Variants in PVT1 observed in about 807,000 individuals in gnomAD.
The protein encoded by PVT1 is Pvt1 oncogene.
chr8:128,042,136 C>G (rs932783169), intron 4 of PVT1, among the ~76,000 whole-genome samples: 1 of 152,042 alleles, frequency 6.6e-6, no homozygotes, highest in African/African-American at 2.4e-5. Flanking sequence ...TTTTGCAGCC[C>G]CAAGGGACAG....
intron 3 of PVT1, among the ~76,000 whole-genome samples, chr8:127,988,447 C>T (rs1256179033): frequency 1.3e-5 from 2 of 152,206 alleles, no homozygotes; most frequent in African/African-American, 4.8e-5. Context: ...CCTGGATCCC[C>T]AGGCTAAGTA....
At chr8:127,833,081 C>T (rs1470390104) in intron 2 of PVT1, among the ~76,000 whole-genome samples, 4 of 152,180 alleles carry the variant, frequency 2.6e-5, no homozygotes, top group Non-Finnish European at 4.4e-5. Flanking sequence ...ATTATGGCTC[C>T]TTTCTTGTTG....
At chr8:127,984,838 T>G (rs1816926440) in intron 3 of PVT1, among the ~76,000 whole-genome samples, 1 of 10,752 alleles carries the variant, frequency 9.3e-5, no homozygotes, top group Admixed American at 9.8e-4. Context: ...TTTCTTTTCT[T>G]TTCTTTCTTT....
chr8:127,958,876 A>G (rs746750846), intron 3 of PVT1, among the ~76,000 whole-genome samples: 6 of 152,196 alleles, frequency 3.9e-5, no homozygotes, highest in African/African-American at 4.8e-5. Flanking sequence ...AGCACATGTC[A>G]TATTTGAACT....
rs549476377 is a variant in PVT1 at position 127,870,358 on chromosome 8, C to G, written n.373-20231C>G. Among the ~76,000 whole-genome samples the G allele has an allele frequency of 1.7e-3, 252 of 152,254 alleles. 1 individual carries two copies. Among genetic ancestry groups the G allele is most frequent in the African/African-American group, 5.8e-3 (243 of 41,546 alleles). On this transcript the variant is annotated intron_variant and non_coding_transcript_variant, in intron 2 of 10. Transcript: ENST00000651587. ...AGGCAAGGAAGGATCTTTCATGGAG[C>G]CTTCAGAGGGAGCACAGTCCCGCTG... is the stretch of plus-strand genomic sequence containing the variant.
intron 3 of PVT1, among the ~76,000 whole-genome samples, chr8:127,967,180 A>C (rs565666362): frequency 6.6e-6 from 1 of 152,236 alleles, no homozygotes; most frequent in South Asian, 2.1e-4. Context: ...ATGCATACCC[A>C]CCCGCTGATG....
intron 4 of PVT1, among the ~76,000 whole-genome samples, chr8:128,000,064 C>A (rs1391797847): frequency 1.3e-5 from 2 of 152,174 alleles, no homozygotes; most frequent in South Asian, 2.1e-4. Flanking sequence ...TCTGGACTGT[C>A]CTGTTCTGCT....
chr8:127,998,329 T>G (rs1453577663), intron 4 of PVT1: 1 of 152,200 alleles, frequency 6.6e-6, no homozygotes, highest in Non-Finnish European at 1.5e-5. Flanking sequence ...CTCTCCTATT[T>G]ATTTATTTAT....
chr8:127,835,020 T>C (rs1385332478), intron 2 of PVT1, among the ~76,000 whole-genome samples: 1 of 152,166 alleles, frequency 6.6e-6, no homozygotes, highest in Non-Finnish European at 1.5e-5. Flanking sequence ...AGTTCAACCA[T>C]TGTGGAAGAC....
chr8:128,013,174 AC>A (rs113764241), intron 4 of PVT1, among the ~76,000 whole-genome samples: 1 of 151,726 alleles, frequency 6.6e-6, no homozygotes, highest in Non-Finnish European at 1.5e-5. Flanking sequence ...CAGAAAGGCC[AC>A]CCCCCCTTCC....
At chr8:127,937,576 C>CAGAGAGAGAGAGAGAG (rs774441674) in intron 3 of PVT1, among the ~76,000 whole-genome samples, 121 of 122,508 alleles carry the variant, frequency 9.9e-4, no homozygotes, top group South Asian at 3.6e-3. Context: ...CACACACACA[C>CAGAGAGAGAGAGAGAG]ACACAGAGAG....
chr8:127,945,205 T>C (rs1816405814), intron 3 of PVT1, among the ~76,000 whole-genome samples: 1 of 152,156 alleles, frequency 6.6e-6, no homozygotes, highest in Admixed American at 6.5e-5. Flanking sequence ...CTTTCTTTCT[T>C]TTTTATTCTC....
intron 4 of PVT1, among the ~76,000 whole-genome samples, chr8:128,038,304 T>C (rs181111608): frequency 3.2e-4 from 49 of 152,360 alleles, no homozygotes; most frequent in African/African-American, 1.1e-3. Flanking sequence ...CCATCCTGTC[T>C]TGTCCCCTTT....
chr8:127,882,073 C>T (rs1815474163), intron 2 of PVT1, among the ~76,000 whole-genome samples: 1 of 152,178 alleles, frequency 6.6e-6, no homozygotes, highest in South Asian at 2.1e-4. Context: ...TGAGGAAACA[C>T]TTTCAATGAG....
chr8:127,798,099 T>C (rs1178645214), intron 2 of PVT1, among the ~76,000 whole-genome samples: 1 of 151,938 alleles, frequency 6.6e-6, no homozygotes, highest in Non-Finnish European at 1.5e-5. Flanking sequence ...GGTCAGGAGT[T>C]CGAGACCAGC....
rs1813850715 is a variant in PVT1, at chr8:128,063,025, C to T, written n.913-7135C>T. 4.6e-5 allele frequency among the ~76,000 whole-genome samples: 7 copies of T among 152,252 alleles called. No individual in the cohort carries two copies. The South Asian group carries it at 1.5e-3, about 32-fold the overall frequency. On this transcript the variant is annotated intron_variant and non_coding_transcript_variant, in intron 4 of 10. Transcript: ENST00000651587. ...CTGGAAGAAAGGGACAGATAATGCT[C>T]TCCCCAGTGGATTGATGTGAGACAT...
chr8:127,888,909 G>A (rs12541073), intron 2 of PVT1, among the ~76,000 whole-genome samples: 30,800 of 152,106 alleles, frequency 0.2, 3,384 homozygotes, highest in Non-Finnish European at 0.26. Context: ...AAACCACTAC[G>A]TTTGTAAACA....
At chr8:127,887,931 GTTTTTTTTTTTTT>G (rs560976785) in intron 2 of PVT1, among the ~76,000 whole-genome samples, 8 of 66,582 alleles carry the variant, frequency 1.2e-4, no homozygotes, top group African/African-American at 1.3e-4. Context: ...ACTCTATCTT[GTTTTTTTTTTTTT>G]TTTTTTTTTT....
chr8:127,937,580 C>CACACACACACAGAG (rs59006608), intron 3 of PVT1, among the ~76,000 whole-genome samples: 87 of 107,856 alleles, frequency 8.1e-4, no homozygotes, highest in Middle Eastern at 5.3e-3. Flanking sequence ...CACACACACA[C>CACACACACACAGAG]AGAGAGAGAG....
Sources: gnomAD v4.1 joint callset for allele counts (sites outside exome capture counted in the v4.1 genomes callset) on GRCh38, gnomAD v4.1.1 for gene constraint, MANE v1.5 for transcripts, NCBI Gene and HGNC (gene_info 2026-07-23, HGNC 2026-07-21) for gene names.